The following MAPK10 variants were observed in gnomAD, a reference collection of about 807,000 sequenced individuals.
The protein encoded by MAPK10 is JNK3 alpha protein kinase.
MAPK10 carries 25 observed loss-of-function variants against 59.3 expected under a neutral mutation model. That is an observed-to-expected ratio of 0.42 (90% confidence interval 0.31 to 0.59). MAPK10 has a LOEUF of 0.59. MAPK10 is among the 20% of genes least tolerant of loss of function. The pLI, the probability that MAPK10 is intolerant of heterozygous loss-of-function variation, is 0.15. For synonymous variants in MAPK10, 190 were observed against 200.5 expected (o/e 0.95, Z 0.44); for missense variants, 351 against 568.9 (o/e 0.62, Z 3.90).
Position 86,354,899 on chromosome 4 carries a change from A to G in MAPK10, c.-121-255T>C, listed in dbSNP as rs149672284. Among the ~76,000 whole-genome samples, 5 of 152,292 alleles carry G rather than the reference A, an allele frequency of 3.3e-5. No homozygotes were observed. The East Asian group carries it at 9.6e-4, about 29-fold the overall frequency. On this transcript the variant is annotated intron_variant, in intron 1 of 13. Transcript: ENST00000641462. ...AGTAATTCTTATTTCAGTTAATATA[A>G]TTAGTCTTGTGATATGAATTTGGTT... is the stretch of plus-strand genomic sequence containing the variant.
intron 11 of MAPK10, among the ~76,000 whole-genome samples, chr4:86,045,393 C>A (rs921269223): frequency 4.6e-5 from 7 of 152,180 alleles, no homozygotes; most frequent in East Asian, 3.9e-4. Flanking sequence ...TATGATATTA[C>A]TCATCTTTGA....
chr4:86,220,901 G>A (rs1462294146), intron 2 of MAPK10, among the ~76,000 whole-genome samples: 1 of 152,020 alleles, frequency 6.6e-6, no homozygotes, highest in Admixed American at 6.6e-5. Flanking sequence ...CTCAATTGTC[G>A]AACAACATAA....
intron 8 of MAPK10, 62 bp from the exon 9 acceptor site, chr4:86,098,657 T>C (rs923647007): frequency 2.3e-6 from 3 of 1,300,474 alleles, no homozygotes; most frequent in East Asian, 2.3e-5. Flanking sequence ...CTAAGATAAT[T>C]GACTTCTGAA....
intron 1 of MAPK10, among the ~76,000 whole-genome samples, chr4:86,558,611 C>T (rs1260223536): frequency 6.6e-6 from 1 of 152,124 alleles, no homozygotes; most frequent in Non-Finnish European, 1.5e-5. Context: ...TTTCAACATT[C>T]TCAACAGAAA....
At chr4:86,319,099 A>G (rs1216676090) in intron 2 of MAPK10, among the ~76,000 whole-genome samples, 1 of 152,214 alleles carries the variant, frequency 6.6e-6, no homozygotes, top group East Asian at 1.9e-4. Context: ...TAGCATTTCA[A>G]TACATCACTT....
intron 2 of MAPK10, among the ~76,000 whole-genome samples, chr4:86,295,580 G>C (rs894289580): frequency 1.3e-5 from 2 of 151,804 alleles, no homozygotes; most frequent in African/African-American, 2.4e-5. Flanking sequence ...AAGATTATCT[G>C]CTGAATAAAT....
chr4:86,359,607 C>A, intron 1 of MAPK10, 51 bp downstream of exon 1: 1 of 887,416 alleles, frequency 1.1e-6, no homozygotes, highest in Non-Finnish European at 1.4e-6. Context: ...TAGACATCAC[C>A]CCACCCTCCA....
chr4:86,496,131 C>G (rs986928273), intron 1 of MAPK10, among the ~76,000 whole-genome samples: 2 of 152,124 alleles, frequency 1.3e-5, no homozygotes, highest in African/African-American at 2.4e-5. Flanking sequence ...ATAGGGACAA[C>G]AACTTCAAAT....
chr4:86,429,666 G>A (rs1041448192), intron 1 of MAPK10: 1 of 152,052 alleles, frequency 6.6e-6, no homozygotes, highest in African/African-American at 2.4e-5. Flanking sequence ...ACCTAGGCAT[G>A]GTGGTGCATA....
intron 1 of MAPK10, among the ~76,000 whole-genome samples, chr4:86,406,430 A>G (rs1744374670): frequency 6.6e-6 from 1 of 152,194 alleles, no homozygotes; most frequent in Non-Finnish European, 1.5e-5. Context: ...ACTCTGTACA[A>G]TAGGGCTAGT....
At chr4:86,443,447 G>A (rs968054561) in intron 1 of MAPK10, among the ~76,000 whole-genome samples, 1 of 152,062 alleles carries the variant, frequency 6.6e-6, no homozygotes, top group Admixed American at 6.5e-5. Context: ...TCCATGTGGA[G>A]AAAAGAAAAT....
At chr4:86,581,702 G>T (rs1250428297) in intron 1 of MAPK10, among the ~76,000 whole-genome samples, 1 of 147,342 alleles carries the variant, frequency 6.8e-6, no homozygotes, top group Non-Finnish European at 1.5e-5. Flanking sequence ...GTGTGTGTGT[G>T]TGTGTGTGTT....
At chr4:86,375,630 A>G (rs915487554) in intron 1 of MAPK10, among the ~76,000 whole-genome samples, 6 of 143,664 alleles carry the variant, frequency 4.2e-5, no homozygotes, top group Non-Finnish European at 9.0e-5. Flanking sequence ...TGAGAGAATC[A>G]CTTGAGCCCA....
chr4:86,173,769 T>C (rs1233170581), intron 3 of MAPK10, among the ~76,000 whole-genome samples: 1 of 152,006 alleles, frequency 6.6e-6, no homozygotes, highest in Non-Finnish European at 1.5e-5. Context: ...ACAAGGAACT[T>C]AAACAAATTT....
upstream of MAPK10, among the ~76,000 whole-genome samples, chr4:86,456,189 G>A (rs1751209711): frequency 6.6e-6 from 1 of 152,078 alleles, no homozygotes; most frequent in Non-Finnish European, 1.5e-5. Flanking sequence ...AGCTCTAAAT[G>A]CCTACATAAA....
rs774480132 is a variant in MAPK10, at chr4:86,490,500, C to T, written c.-263+103410G>A. ...TGCGAGATCAGATGGCCCATCCATGCAATATACTCTAATTCAACTTTTACA... is the reference window on the plus strand; with the variant it reads ...TGCGAGATCAGATGGCCCATCCATGTAATATACTCTAATTCAACTTTTACA... On this transcript the variant is annotated intron_variant, in intron 1 of 4. Coordinates refer to the MAPK10 transcript ENST00000502302. 7.9e-5 allele frequency among the ~76,000 whole-genome samples: 12 copies of T among 152,256 alleles called. No individual in the cohort carries two copies. In the Middle Eastern group the frequency reaches 0.014, roughly 173 times the overall value.
chr4:86,155,198 AAAG>A (rs202019543), intron 4 of MAPK10, among the ~76,000 whole-genome samples: 1,660 of 152,034 alleles, frequency 0.011, 17 homozygotes, highest in South Asian at 0.062. Context: ...ACTTTTTTTC[AAAG>A]AAGAATATGT....
At position 86,042,558 on chromosome 4, in the gene MAPK10, G is replaced by A. The variant is rs924434208; in HGVS notation, c.1111-11127C>T. Among the ~76,000 whole-genome samples the A allele has an allele frequency of 3.9e-5, 6 of 152,262 alleles. No homozygotes were observed. The East Asian group carries it at 7.7e-4, about 20-fold the overall frequency. ...AATTGTGACATCAAAAATTTTAAAT[G>A]TGGGAGGAATGGTGGAGTAAAAGTA... On this transcript the variant is annotated intron_variant, in intron 11 of 13. Transcript: ENST00000641462.
intron 11 of MAPK10, among the ~76,000 whole-genome samples, chr4:86,061,867 C>A (rs188591381): frequency 6.6e-6 from 1 of 152,214 alleles, no homozygotes; most frequent in Non-Finnish European, 1.5e-5. Flanking sequence ...ATTATAAAGA[C>A]ATACGGGGGT....
Sources: gnomAD v4.1 joint callset for allele counts (sites outside exome capture counted in the v4.1 genomes callset) on GRCh38, gnomAD v4.1.1 for gene constraint, MANE v1.5 for transcripts, NCBI Gene and HGNC (gene_info 2026-07-23, HGNC 2026-07-21) for gene names.